The following SCMH1 variants were observed in gnomAD, a reference collection of about 807,000 sequenced individuals.
SCMH1 encodes the protein Scm polycomb group protein homolog 1.
SCMH1 carries 37 observed loss-of-function variants against 70.8 expected under a neutral mutation model. The ratio of observed to expected loss-of-function variants is 0.52; its 90% CI spans 0.40 to 0.69. SCMH1 has a LOEUF of 0.69. Among genes scored for constraint, SCMH1 ranks in the 30% least tolerant of loss-of-function variants. The pLI is 0.00. For missense variants in SCMH1, 607 were observed against 827.3 expected (o/e 0.73, Z 3.27); for synonymous variants, 292 against 307.4 (o/e 0.95, Z 0.52).
intron 10 of SCMH1, among the ~76,000 whole-genome samples, chr1:41,067,250 C>T (rs1654900410): frequency 6.6e-6 from 1 of 151,934 alleles, no homozygotes; most frequent in African/African-American, 2.4e-5. Flanking sequence ...CGAGACCATC[C>T]TGGCTGACAT....
chr1:41,153,216 A>G (rs922266691), intron 4 of SCMH1, among the ~76,000 whole-genome samples: 2 of 152,258 alleles, frequency 1.3e-5, no homozygotes, highest in Non-Finnish European at 2.9e-5. Context: ...GCACTGTCCA[A>G]TAAAACTTTC....
At chr1:41,196,993 T>C (rs1307258135) in intron 1 of SCMH1, among the ~76,000 whole-genome samples, 1 of 152,092 alleles carries the variant, frequency 6.6e-6, no homozygotes, top group African/African-American at 2.4e-5. Flanking sequence ...ATACCTACAA[T>C]GATATACTAC....
At chr1:41,202,355 A>T (rs1217993671) in intron 1 of SCMH1, among the ~76,000 whole-genome samples, 1 of 151,466 alleles carries the variant, frequency 6.6e-6, no homozygotes, top group Non-Finnish European at 1.5e-5. Flanking sequence ...TCCCTCCCAG[A>T]AATTTACCTT....
chr1:41,081,268 C>G (rs1163403627), intron 8 of SCMH1, among the ~76,000 whole-genome samples: 1 of 152,180 alleles, frequency 6.6e-6, no homozygotes. Flanking sequence ...ATGTTACATT[C>G]ATAGATTGAA....
At chr1:41,128,920 C>T (rs1380673408) in intron 6 of SCMH1, among the ~76,000 whole-genome samples, 1 of 152,088 alleles carries the variant, frequency 6.6e-6, no homozygotes, top group Non-Finnish European at 1.5e-5. Context: ...GCAATTCCAA[C>T]AGTAATATGT....
chr1:41,048,853 G>C (rs893167613), exon 11 of SCMH1: 28 of 1,614,018 alleles, frequency 1.7e-5, no homozygotes, highest in Non-Finnish European at 2.4e-5. Context: ...TATCTAAGTG[G>C]GGGCCTGTGC....
chr1:41,048,458 G>T (rs1210565963), intron 11 of SCMH1, among the ~76,000 whole-genome samples: 1 of 152,140 alleles, frequency 6.6e-6, no homozygotes, highest in Non-Finnish European at 1.5e-5. Context: ...GTAGATGGGG[G>T]GAATCAGTTT....
chr1:41,154,352 A>G (rs1012853895), intron 4 of SCMH1, among the ~76,000 whole-genome samples: 17 of 152,216 alleles, frequency 1.1e-4, no homozygotes, highest in African/African-American at 4.1e-4. Context: ...GAGTCTGAAG[A>G]TGTTGGTAAA....
chr1:41,029,585 A>C (rs555630455), intron 13 of SCMH1, among the ~76,000 whole-genome samples: 12 of 152,364 alleles, frequency 7.9e-5, no homozygotes, highest in African/African-American at 2.9e-4. Context: ...TGACTCAGAT[A>C]TAACGCCTCC....
At chr1:41,107,787 G>A (rs970162416) in intron 8 of SCMH1, among the ~76,000 whole-genome samples, 2 of 152,120 alleles carry the variant, frequency 1.3e-5, no homozygotes, top group Non-Finnish European at 2.9e-5. Context: ...CAAAGTGCTG[G>A]GATTACAGGC....
intron 11 of SCMH1, among the ~76,000 whole-genome samples, chr1:41,047,345 G>C (rs1001775197): frequency 2.0e-5 from 3 of 151,634 alleles, no homozygotes; most frequent in African/African-American, 7.3e-5. Context: ...GGAGTAGGCT[G>C]GGCCTCAGAA....
chr1:41,153,071 A>G lies in SCMH1; in HGVS notation c.107-1387T>C, dbSNP rs990205057. Among the ~76,000 whole-genome samples the G allele has an allele frequency of 3.5e-4, 53 of 152,232 alleles. 2 individuals carry two copies. The highest frequency in any genetic ancestry group is 2.1e-4 in the South Asian group (1 of 4,832). On this transcript the variant is annotated intron_variant, in intron 4 of 14. Transcript: ENST00000337495. ...GGGCCCTAAAGCAAGGACTGAATAC[A>G]TTTCATCATTGTTTGCTGTTAGAAA...
chr1:41,075,529 C>T, intron 8 of SCMH1, 78 bp from the exon 9 acceptor site: 1 of 1,199,804 alleles, frequency 8.3e-7, no homozygotes, highest in Non-Finnish European at 1.2e-6. Flanking sequence ...AAAGGACTTG[C>T]CACTTCTGCT....
intron 2 of SCMH1, among the ~76,000 whole-genome samples, chr1:41,180,010 T>A (rs1197446496): frequency 1.3e-5 from 2 of 152,170 alleles, no homozygotes; most frequent in Admixed American, 6.5e-5. Flanking sequence ...AAAAAGCTTA[T>A]CCACCATGAT....
intron 1 of SCMH1, among the ~76,000 whole-genome samples, chr1:41,228,131 C>G (rs1660617084): frequency 6.6e-6 from 1 of 152,180 alleles, no homozygotes; most frequent in South Asian, 2.1e-4. Context: ...CAGGGTCATG[C>G]TGGAGGGGGC....
intron 10 of SCMH1, among the ~76,000 whole-genome samples, chr1:41,063,245 G>A (rs549471128): frequency 1.3e-5 from 2 of 152,022 alleles, no homozygotes; most frequent in Admixed American, 6.6e-5. Context: ...AGGCTGAGGC[G>A]GGCGGATCAT....
At chr1:41,228,713 C>T (rs1043173983) in intron 1 of SCMH1, among the ~76,000 whole-genome samples, 2 of 150,972 alleles carry the variant, frequency 1.3e-5, no homozygotes, top group African/African-American at 4.9e-5. Flanking sequence ...CATCACTGCA[C>T]TCAACCTGGG....
chr1:41,046,660 G>T (rs1646925260), intron 11 of SCMH1, 62 bp from the exon 12 acceptor site: 1 of 1,325,042 alleles, frequency 7.5e-7, no homozygotes, highest in Non-Finnish European at 1.1e-6. Flanking sequence ...GCGCTAGGCA[G>T]GACGAGTCCA....
intron 8 of SCMH1, among the ~76,000 whole-genome samples, chr1:41,083,917 G>A (rs1329564650): frequency 6.6e-6 from 1 of 152,038 alleles, no homozygotes; most frequent in Non-Finnish European, 1.5e-5. Flanking sequence ...AAAACTGGCT[G>A]GCCGTATGTA....
Sources: allele counts gnomAD v4.1 joint callset (sites outside exome capture counted in the v4.1 genomes callset), GRCh38; gene constraint gnomAD v4.1.1; transcripts MANE v1.5; gene names NCBI Gene and HGNC (gene_info 2026-07-23, HGNC 2026-07-21).